The following APOO variants were observed in gnomAD, a reference collection of about 807,000 sequenced individuals.
APOO encodes MICOS complex subunit MIC26.
APOO carries 11 observed loss-of-function variants against 23.1 expected under a neutral mutation model. That is an observed-to-expected ratio of 0.48 (90% CI 0.30 to 0.79). The LOEUF (loss-of-function observed/expected upper bound fraction) is 0.79. Ranked by LOEUF, APOO falls within the 30% of genes least tolerant of loss-of-function variation. The pLI is 0.07. For missense variants in APOO, 160 were observed against 142.7 expected, an observed-to-expected ratio of 1.12 and a Z score of -0.62; for synonymous variants, 59 against 54.8, an observed-to-expected ratio of 1.08 and a Z score of -0.34.
At chrX:23,850,483 G>C (rs1263381156) in intron 7 of APOO, among the ~76,000 whole-genome samples, 2 of 111,592 alleles carry the variant, frequency 1.8e-5, no homozygotes, top group Non-Finnish European at 3.8e-5. Flanking sequence ...TGTTGTAATA[G>C]TAATATACTG....
chrX:23,844,222 TTGGATGAA>T (rs1191088013), intron 7 of APOO, among the ~76,000 whole-genome samples: 1 of 111,626 alleles, frequency 9.0e-6, no homozygotes, highest in East Asian at 2.8e-4. Flanking sequence ...ACTTTATTTT[TTGGATGAA>T]GAAAATAAAA....
intron 1 of APOO, among the ~76,000 whole-genome samples, chrX:23,893,523 A>G (rs1028909215): frequency 3.6e-5 from 4 of 111,817 alleles, no homozygotes; most frequent in African/African-American, 1.3e-4. Context: ...CTCCATAAGG[A>G]GCATTCAGGA....
intron 1 of APOO, among the ~76,000 whole-genome samples, chrX:23,882,625 G>A (rs1025102020): frequency 6.3e-5 from 7 of 110,598 alleles, no homozygotes; most frequent in African/African-American, 2.3e-4. Flanking sequence ...GGAAGAACTT[G>A]ATAGATGTAA....
intron 8 of APOO, among the ~76,000 whole-genome samples, chrX:23,837,937 G>A (rs986399620): frequency 1.2e-4 from 12 of 103,851 alleles, no homozygotes; most frequent in African/African-American, 4.2e-4. Context: ...TAGGAGTACA[G>A]GTGTGAGCCA....
chrX:23,863,899 A>C (rs1277092986), intron 5 of APOO, among the ~76,000 whole-genome samples: 1 of 111,181 alleles, frequency 9.0e-6, no homozygotes, highest in African/African-American at 3.3e-5. Context: ...GTAGAGGATG[A>C]AACTAGAGAA....
intron 3 of APOO, among the ~76,000 whole-genome samples, chrX:23,876,420 C>CAAA (rs765596295): frequency 1.6e-4 from 7 of 43,304 alleles, no homozygotes; most frequent in African/African-American, 5.3e-4. Context: ...TTGTCTCTAC[C>CAAA]AAAAAAAAAA....
intron 7 of APOO, among the ~76,000 whole-genome samples, chrX:23,852,568 C>A (rs202127615): frequency 9.3e-6 from 1 of 107,855 alleles, no homozygotes; most frequent in African/African-American, 3.4e-5. Context: ...GAGCCGAGAT[C>A]GTGCCACTGC....
At chrX:23,834,321 G>A (rs143030695) in intron 8 of APOO, among the ~76,000 whole-genome samples, 7,290 of 104,191 alleles carry the variant, frequency 0.07, 625 homozygotes, top group African/African-American at 0.22. Context: ...GCTTGAACCC[G>A]GGAGGCAGAG....
intron 7 of APOO, among the ~76,000 whole-genome samples, chrX:23,848,109 G>A (rs1301405763): frequency 2.8e-5 from 3 of 106,899 alleles, no homozygotes; most frequent in Non-Finnish European, 5.8e-5. Context: ...TCCTGACCTC[G>A]TGATCCGCCC....
At chrX:23,867,272 G>A (rs974026469) in intron 5 of APOO, among the ~76,000 whole-genome samples, 4 of 111,663 alleles carry the variant, frequency 3.6e-5, no homozygotes, top group African/African-American at 9.7e-5. Flanking sequence ...GAACCCCCAC[G>A]CTGGGAGGTG....
chrX:23,862,108 G>A (rs893400523), intron 5 of APOO, among the ~76,000 whole-genome samples: 4 of 111,015 alleles, frequency 3.6e-5, no homozygotes, highest in Non-Finnish European at 7.5e-5. Flanking sequence ...TAGCATTTCA[G>A]CTGCCTCACT....
At chrX:23,868,449 T>C in intron 5 of APOO, 144 bp downstream of exon 5, 1 of 397,052 alleles carries the variant, frequency 2.5e-6, no homozygotes, top group Non-Finnish European at 4.4e-6. Context: ...TCAAATATGA[T>C]AACCATATCC....
chrX:23,866,982 C>T, intron 5 of APOO, among the ~76,000 whole-genome samples: 1 of 109,409 alleles, frequency 9.1e-6, no homozygotes, highest in Non-Finnish European at 1.9e-5. Flanking sequence ...CATCTATAAT[C>T]CCAGCTATTT....
chrX:23,879,511 T>C (rs188605231), intron 2 of APOO, among the ~76,000 whole-genome samples: 1 of 112,126 alleles, frequency 8.9e-6, no homozygotes, highest in African/African-American at 3.2e-5. Context: ...TCTCAAACTA[T>C]CTCTGCACCT....
Position 23,844,131 on chromosome X carries a change from T to C in APOO, c.562-3754A>G, listed in dbSNP as rs756251233. On this transcript the variant is annotated intron_variant, in intron 7 of 8. Transcript: ENST00000379226. ...TAGAACCCACCTCAAAGACTCTTCC[T>C]GAGCAAAGAGTTTAGCGCCAAGGGC... Among the ~76,000 whole-genome samples, 3 of 112,182 alleles carry C rather than the reference T, an allele frequency of 2.7e-5. No homozygotes were observed. In the South Asian group the frequency reaches 1.1e-3, roughly 41 times the overall value.
intron 8 of APOO, among the ~76,000 whole-genome samples, chrX:23,838,216 A>G (rs1415428672): frequency 1.0e-5 from 1 of 99,962 alleles, no homozygotes; most frequent in East Asian, 3.5e-4. Context: ...TTAGCTGGGC[A>G]TGGTGGTGCA....
intron 1 of APOO, among the ~76,000 whole-genome samples, chrX:23,892,078 A>C (rs1226607109): frequency 1.8e-5 from 2 of 109,334 alleles, no homozygotes; most frequent in Non-Finnish European, 3.8e-5. Context: ...ATGATAAAGA[A>C]TGAAAATAAA....
chrX:23,865,050 C>G (rs1251964219), intron 5 of APOO, among the ~76,000 whole-genome samples: 1 of 111,665 alleles, frequency 9.0e-6, no homozygotes, highest in African/African-American at 3.3e-5. Context: ...ACCTCCATGC[C>G]CTATCTCCCA....
chrX:23,894,006 C>T (rs1926788350), intron 1 of APOO, among the ~76,000 whole-genome samples: 1 of 111,478 alleles, frequency 9.0e-6, no homozygotes, highest in African/African-American at 3.3e-5. Context: ...AAAAGTATTT[C>T]AGTATTACTT....
Sources: allele counts gnomAD v4.1 joint callset (sites outside exome capture counted in the v4.1 genomes callset), GRCh38; gene constraint gnomAD v4.1.1; transcripts MANE v1.5; gene names NCBI Gene and HGNC (gene_info 2026-07-23, HGNC 2026-07-21).